GDA: variants seen among roughly 807,000 people sequenced by gnomAD.
GDA encodes the protein cytoplasmic PSD-95 interactor.
In GDA, 18 loss-of-function variants were observed where a neutral mutation model predicts 59.6. The observed-to-expected ratio is 0.30, with a 90% CI of 0.21 to 0.45. The LOEUF (loss-of-function observed/expected upper bound fraction) is 0.45. GDA is among the 20% of genes least tolerant of loss of function. The pLI, the probability that GDA is intolerant of heterozygous loss-of-function variation, is 1.00. For missense variants in GDA, 427 were observed against 552.3 expected (o/e 0.77, Z 2.27); for synonymous variants, 201 against 201.1 (o/e 1.00, Z 0.00).
chr9:72,132,223 A>G (rs927418319), intron 1 of GDA, among the ~76,000 whole-genome samples: 1 of 152,222 alleles, frequency 6.6e-6, no homozygotes, highest in African/African-American at 2.4e-5. Flanking sequence ...TTTCAGGATT[A>G]ACTAACTGGG....
intron 12 of GDA, 81 bp from the exon 13 acceptor site, chr9:72,247,325 T>A (rs1840256139): frequency 5.8e-6 from 5 of 856,928 alleles, no homozygotes; most frequent in Non-Finnish European, 1.0e-5. Context: ...TTTCTGGGCT[T>A]TGTCAACCAC....
intron 1 of GDA, among the ~76,000 whole-genome samples, chr9:72,160,211 A>T (rs548685051): frequency 2.5e-4 from 38 of 152,306 alleles, no homozygotes; most frequent in Non-Finnish European, 4.3e-4. Flanking sequence ...TCGGAAGCTG[A>T]GGCAGGAGAA....
chr9:72,125,309 T>TCCTACCTTTACTCCCTCCCTC (rs1825806146), intron 1 of GDA, among the ~76,000 whole-genome samples: 3 of 151,406 alleles, frequency 2.0e-5, no homozygotes, highest in African/African-American at 7.3e-5. Context: ...CTTCCTTCCT[T>TCCTACCTTTACTCCCTCCCTC]CCTTCCTTTA....
chr9:72,172,255 A>G (rs112447957), intron 1 of GDA, among the ~76,000 whole-genome samples: 1 of 151,072 alleles, frequency 6.6e-6, no homozygotes, highest in Non-Finnish European at 1.5e-5. Context: ...ATAGTATATC[A>G]TATTTATTAT....
chr9:72,137,707 G>T (rs950848434), intron 1 of GDA, among the ~76,000 whole-genome samples: 1 of 152,008 alleles, frequency 6.6e-6, no homozygotes, highest in Non-Finnish European at 1.5e-5. Context: ...CTTTGTGGTG[G>T]GAGGCTGTGC....
intron 1 of GDA, among the ~76,000 whole-genome samples, chr9:72,188,585 A>G (rs1832132602): frequency 6.6e-6 from 1 of 152,228 alleles, no homozygotes; most frequent in Non-Finnish European, 1.5e-5. Context: ...GTATGTTGCA[A>G]ATAGCCTGGA....
chr9:72,195,290 G>A (rs1440342653), intron 1 of GDA, among the ~76,000 whole-genome samples: 8 of 150,024 alleles, frequency 5.3e-5, no homozygotes, highest in Admixed American at 6.6e-5. Context: ...CAGAAAAGGA[G>A]GAATCACACA....
intron 10 of GDA, among the ~76,000 whole-genome samples, chr9:72,239,135 C>T (rs903437000): frequency 2.6e-5 from 4 of 152,112 alleles, no homozygotes; most frequent in African/African-American, 9.7e-5. Context: ...GAAGAATCGG[C>T]AAGTTACTGT....
chr9:72,118,489 G>A (rs1201918535), intron 1 of GDA, among the ~76,000 whole-genome samples: 1 of 151,898 alleles, frequency 6.6e-6, no homozygotes, highest in Admixed American at 6.6e-5. Context: ...TTTTTATCAC[G>A]ATATTGATTA....
chr9:72,227,221 G>A (rs77605782), intron 8 of GDA, among the ~76,000 whole-genome samples: 2,624 of 152,222 alleles, frequency 0.017, 67 homozygotes, highest in African/African-American at 0.059. Flanking sequence ...AAAGAGTAAA[G>A]TCTTATTTAA....
chr9:72,157,310 G>T (rs1250756124), intron 1 of GDA, among the ~76,000 whole-genome samples: 1 of 152,086 alleles, frequency 6.6e-6, no homozygotes, highest in Admixed American at 6.6e-5. Flanking sequence ...CAAAGTGTTG[G>T]GATTACAGGC....
At chr9:72,255,994 ATGT>A, downstream of GDA, among the ~76,000 whole-genome samples, 1 of 152,334 alleles carries the variant, frequency 6.6e-6, no homozygotes, top group African/African-American at 2.4e-5. Context: ...AACTCATTTA[ATGT>A]TGTTTGTAGT....
chr9:72,142,976 T>C (rs1317832873), intron 1 of GDA, among the ~76,000 whole-genome samples: 1 of 146,516 alleles, frequency 6.8e-6, no homozygotes, highest in African/African-American at 2.5e-5. Flanking sequence ...TCCATGTTGG[T>C]CAGGCTGGTC....
At chr9:72,236,874 G>A (rs62562036) in intron 10 of GDA, among the ~76,000 whole-genome samples, 12,367 of 150,548 alleles carry the variant, frequency 0.082, 695 homozygotes, top group Middle Eastern at 0.15. Flanking sequence ...CAGCCTCCAG[G>A]GTTCAAGTGA....
chr9:72,216,120 G>T (rs1836076263), intron 5 of GDA, among the ~76,000 whole-genome samples: 1 of 152,204 alleles, frequency 6.6e-6, no homozygotes, highest in African/African-American at 2.4e-5. Context: ...CAGGAAAGTT[G>T]CCCAAGAGTC....
intron 2 of GDA, among the ~76,000 whole-genome samples, chr9:72,200,142 C>T (rs1410950472): frequency 7.2e-5 from 11 of 151,798 alleles, no homozygotes; most frequent in South Asian, 2.1e-4. Flanking sequence ...GGACTACAGG[C>T]GCCTGCCACC....
chr9:72,229,809 CAT>C (rs1838112183), intron 9 of GDA, among the ~76,000 whole-genome samples: 1 of 152,118 alleles, frequency 6.6e-6, no homozygotes, highest in African/African-American at 2.4e-5. Context: ...GCCACAGTGA[CAT>C]ATTTCTGGAG....
chr9:72,225,826 T>C, intron 8 of GDA, 42 bp downstream of exon 8: 2 of 726,772 alleles, frequency 2.8e-6, no homozygotes, highest in Non-Finnish European at 4.7e-6. Context: ...AAGGAGGGCA[T>C]ATTTATCTCA....
At chr9:72,202,543 A>G in intron 2 of GDA, 28 bp from the exon 3 acceptor site, 1 of 1,431,110 alleles carries the variant, frequency 7.0e-7, no homozygotes, top group Non-Finnish European at 9.6e-7. Context: ...ATATTATTAA[A>G]TACTTTTATT....
Sources: allele counts gnomAD v4.1 joint callset (sites outside exome capture counted in the v4.1 genomes callset), GRCh38; gene constraint gnomAD v4.1.1; transcripts MANE v1.5; gene names NCBI Gene and HGNC (gene_info 2026-07-23, HGNC 2026-07-21).